The following KANTR variants were observed in gnomAD, a reference collection of about 807,000 sequenced individuals.
KANTR encodes the protein KANTR integral membrane protein.
chrX:53,131,589 A>C (rs782106519), downstream of KANTR, among the ~76,000 whole-genome samples: 1 of 112,065 alleles, frequency 8.9e-6, no homozygotes. Flanking sequence ...AAAAAACAAA[A>C]ACCTCTTGGC....
downstream of KANTR, among the ~76,000 whole-genome samples, chrX:53,127,731 T>C (rs2146749116): frequency 9.0e-6 from 1 of 111,591 alleles, no homozygotes; most frequent in African/African-American, 3.3e-5. Context: ...TGCTGTGTTG[T>C]CGTGCTGCCT....
At chrX:53,133,951 C>G (rs1476472287) in intron 2 of KANTR, among the ~76,000 whole-genome samples, 1 of 111,813 alleles carries the variant, frequency 8.9e-6, no homozygotes, top group Non-Finnish European at 1.9e-5. Flanking sequence ...CTTATCCTCT[C>G]CTGGAACTCT....
downstream of KANTR, chrX:53,143,744 C>T (rs1309802070): frequency 1.7e-6 from 1 of 590,492 alleles, no homozygotes; most frequent in African/African-American, 2.2e-5. Flanking sequence ...CTCTGGGCCT[C>T]ATGGCCCATG....
At chrX:53,117,518 A>G (rs1056285634) in intron 2 of KANTR, among the ~76,000 whole-genome samples, 2 of 102,270 alleles carry the variant, frequency 2.0e-5, no homozygotes, top group Admixed American at 1.1e-4. Context: ...TTTTTTTCAT[A>G]TTTGTGGGGA....
chrX:53,137,320 T>C (rs1933438762), intron 2 of KANTR, among the ~76,000 whole-genome samples: 2 of 112,377 alleles, frequency 1.8e-5, no homozygotes, highest in African/African-American at 3.2e-5. Flanking sequence ...AAGGCCTTTC[T>C]ATTTGTGCCA....
chrX:53,136,693 C>CGCATATATATATATATATAT, intron 2 of KANTR, among the ~76,000 whole-genome samples: 1 of 9,303 alleles, frequency 1.1e-4, no homozygotes, highest in East Asian at 3.4e-3. Context: ...CCACGCCCGG[C>CGCATATATATATATATATAT]ATATATATAT....
Position 53,136,534 on chromosome X carries a change from G to A in KANTR, n.204-5314G>A, listed in dbSNP as rs1199843166. Reference sequence around the variant, plus strand: ...ATTACAGGCGTGAACCACCGTTCCCGGCTTTTTTTTTTTTTTTTCATTTTT... The same window carrying A: ...ATTACAGGCGTGAACCACCGTTCCCAGCTTTTTTTTTTTTTTTTCATTTTT... On this transcript the variant is annotated intron_variant and non_coding_transcript_variant, in intron 2 of 2. Transcript: ENST00000366185. Among the ~76,000 whole-genome samples, 7 of 44,327 alleles carry A rather than the reference G, an allele frequency of 1.6e-4. No individual in the cohort carries two copies. In the Admixed American group the frequency reaches 2.1e-3, roughly 13 times the overall value. The allele number at this position is 44,327 out of a possible 115,157, so 38.5% of individuals were successfully genotyped here.
chrX:53,146,369 G>A (rs782189944), downstream of KANTR, among the ~76,000 whole-genome samples: 1,002 of 112,006 alleles, frequency 8.9e-3, 6 homozygotes, highest in Non-Finnish European at 0.014. Flanking sequence ...TAGCCGATTC[G>A]ATCAACTGGA....
At chrX:53,116,231 G>C (rs190135019) in intron 2 of KANTR, among the ~76,000 whole-genome samples, 1 of 111,891 alleles carries the variant, frequency 8.9e-6, no homozygotes, top group East Asian at 2.8e-4. Context: ...ATCCTTAAAT[G>C]CCTTGCCTGT....
chrX:53,095,525 A>G (rs1419293376), intron 1 of KANTR, among the ~76,000 whole-genome samples: 2 of 110,465 alleles, frequency 1.8e-5, no homozygotes, highest in African/African-American at 6.6e-5. Context: ...ATCTGTCTAC[A>G]CCCATAATTC....
intron 2 of KANTR, among the ~76,000 whole-genome samples, chrX:53,103,645 T>C (rs1490281276): frequency 8.9e-6 from 1 of 111,757 alleles, no homozygotes; most frequent in African/African-American, 3.3e-5. Context: ...CCTACCCTCC[T>C]AGATGATGAT....
intron 2 of KANTR, among the ~76,000 whole-genome samples, chrX:53,136,731 TTTTGTTTG>T (rs1179907497): frequency 4.0e-5 from 2 of 50,041 alleles, no homozygotes; most frequent in African/African-American, 1.2e-4. Flanking sequence ...TATATATATA[TTTTGTTTG>T]TTTGTTTGTT....
At chrX:53,116,913 C>T (rs930437320) in intron 2 of KANTR, among the ~76,000 whole-genome samples, 3 of 111,816 alleles carry the variant, frequency 2.7e-5, no homozygotes, top group African/African-American at 6.5e-5. Flanking sequence ...CAGCAAAACT[C>T]TTCAAAGAGT....
chrX:53,103,730 A>C (rs782681529), intron 2 of KANTR, among the ~76,000 whole-genome samples: 1 of 111,880 alleles, frequency 8.9e-6, no homozygotes, highest in African/African-American at 3.3e-5. Context: ...ACTTGACTGA[A>C]AAAATGGAAA....
downstream of KANTR, among the ~76,000 whole-genome samples, chrX:53,128,330 G>C (rs1556816449): frequency 8.9e-6 from 1 of 111,806 alleles, no homozygotes; most frequent in African/African-American, 3.3e-5. Context: ...TTTCAGGGCA[G>C]TGTGGTCAGT....
exon 3 of KANTR, chrX:53,126,088 TGTAGTAGTA>T (rs782280878): frequency 9.1e-6 from 1 of 109,984 alleles, no homozygotes; most frequent in African/African-American, 3.3e-5. Flanking sequence ...TGTGTGTGTG[TGTAGTAGTA>T]GTAGTAGTAG....
intron 2 of KANTR, among the ~76,000 whole-genome samples, chrX:53,118,212 G>A (rs1569237601): frequency 9.0e-6 from 1 of 111,436 alleles, no homozygotes. Context: ...CCAAAAGTTC[G>A]GCTTGACAGG....
downstream of KANTR, chrX:53,143,393 CGTG>C (rs1288461188): frequency 2.8e-6 from 2 of 725,488 alleles, no homozygotes; most frequent in Non-Finnish European, 4.2e-6. Flanking sequence ...CGCAGGATGG[CGTG>C]GTGGGAGGGC....
chrX:53,120,547 A>G (rs1454084043), intron 2 of KANTR, among the ~76,000 whole-genome samples: 1 of 110,987 alleles, frequency 9.0e-6, no homozygotes, highest in African/African-American at 3.3e-5. Context: ...TAAGGTCTAC[A>G]TATCTTGTGT....
Sources: gnomAD v4.1 joint callset for allele counts (sites outside exome capture counted in the v4.1 genomes callset) on GRCh38, gnomAD v4.1.1 for gene constraint, MANE v1.5 for transcripts, NCBI Gene and HGNC (gene_info 2026-07-23, HGNC 2026-07-21) for gene names.